Variants in OTUD7A observed in about 807,000 individuals in gnomAD.
OTUD7A encodes the protein OTU deubiquitinase 7A.
A neutral mutation model predicts 65.7 loss-of-function variants in OTUD7A; 12 were observed. The ratio of observed to expected loss-of-function variants is 0.18; its 90% CI spans 0.12 to 0.30. The LOEUF is 0.30. Ranked by LOEUF, OTUD7A falls within the 10% of genes least tolerant of loss-of-function variation. OTUD7A has a pLI of 1.00. For synonymous variants in OTUD7A, 641 were observed against 586.3 expected (o/e 1.09, Z -1.35); for missense variants, 1,148 against 1,304.8 (o/e 0.88, Z 1.85).
rs538800990 is a variant in OTUD7A at position 31,534,446 on chromosome 15, T to C, written c.551-3638A>G. 4.6e-5 allele frequency among the ~76,000 whole-genome samples: 7 copies of C among 152,280 alleles called. No homozygotes were observed. The South Asian group carries it at 1.4e-3, about 32-fold the overall frequency. On this transcript the variant is annotated intron_variant, in intron 5 of 12. Coordinates refer to ENST00000307050, the MANE Select transcript of OTUD7A (RefSeq NM_001382637.1). The stretch of plus-strand genomic sequence containing the variant: ...CTACACAAACATACAGCTAACATCA[T>C]ACCTAATGGTGAAAGACTGAATGCT...
At chr15:31,578,515 C>T (rs971905610) in intron 3 of OTUD7A, among the ~76,000 whole-genome samples, 10 of 152,018 alleles carry the variant, frequency 6.6e-5, no homozygotes, top group African/African-American at 2.2e-4. Context: ...CTGGAAGCCC[C>T]CACTTTGCAC....
intron 1 of OTUD7A, among the ~76,000 whole-genome samples, chr15:31,738,160 A>G (rs971234267): frequency 6.6e-6 from 1 of 152,134 alleles, no homozygotes; most frequent in Non-Finnish European, 1.5e-5. Flanking sequence ...GGAGGGAATA[A>G]TTAGTTAAAT....
rs2654031 is a variant in OTUD7A, at chr15:31,722,042, G to A, written c.-99-64965C>T. On this transcript the variant is annotated intron_variant, in intron 1 of 12. Transcript: ENST00000307050. ...GCTTGTGTGAACTTAGACTAAGGGA[G>A]GATCTGCCAGGACTGTGCCATGAAG... Among the ~76,000 whole-genome samples the A allele has an allele frequency of 5.3e-5, 8 of 152,358 alleles. No homozygotes were observed. The East Asian group carries it at 1.2e-3, about 22-fold the overall frequency.
At chr15:31,778,158 A>G (rs1431127467) in intron 1 of OTUD7A, among the ~76,000 whole-genome samples, 1 of 152,172 alleles carries the variant, frequency 6.6e-6, no homozygotes, top group Non-Finnish European at 1.5e-5. Context: ...AAGAATACGC[A>G]TAGAGAGAGG....
chr15:31,550,805 T>C (rs1888297177), intron 5 of OTUD7A, among the ~76,000 whole-genome samples: 1 of 152,218 alleles, frequency 6.6e-6, no homozygotes, highest in South Asian at 2.1e-4. Flanking sequence ...ATTCTGTCCA[T>C]TCATTTCACA....
rs368607348 is a variant in OTUD7A at position 31,627,698 on chromosome 15, C to G, written c.151+27398G>C. Among the ~76,000 whole-genome samples the G allele has an allele frequency of 9.9e-3, 1,511 of 152,286 alleles. 17 individuals carry two copies. The highest frequency in any genetic ancestry group is 0.015 in the Non-Finnish European group (995 of 68,022). On this transcript the variant is annotated intron_variant, in intron 3 of 12. Coordinates refer to ENST00000307050, the MANE Select transcript of OTUD7A (RefSeq NM_001382637.1). ...TCCACAATGGTTGAACTAGTTTACA[C>G]TCCCACCAACAGTGTAAAAGTGTTC...
chr15:31,860,717 A>T lies in OTUD7A; in HGVS notation c.-100+9790T>A, dbSNP rs556113212. On this transcript the variant is annotated intron_variant, in intron 1 of 12. Transcript: ENST00000307050. ...TATATATATGTATGTATATATATATATTTTTTGGGACGGAGTTTCGCTCTG... is the reference window on the plus strand; with the variant it reads ...TATATATATGTATGTATATATATATTTTTTTTGGGACGGAGTTTCGCTCTG... 2.8e-4 allele frequency among the ~76,000 whole-genome samples: 36 copies of T among 128,606 alleles called. No homozygotes were observed. In the Middle Eastern group the frequency reaches 0.011, roughly 41 times the overall value. The allele number at this position is 128,606 out of a possible 152,430, so 84.4% of individuals were successfully genotyped here.
chr15:31,502,602 C>T (rs2041486039), intron 9 of OTUD7A, among the ~76,000 whole-genome samples: 1 of 152,148 alleles, frequency 6.6e-6, no homozygotes. Flanking sequence ...TCACTGTGCT[C>T]ACAGGAGAGT....
intron 3 of OTUD7A, among the ~76,000 whole-genome samples, chr15:31,576,219 G>T (rs1889199163): frequency 6.6e-6 from 1 of 152,132 alleles, no homozygotes; most frequent in African/African-American, 2.4e-5. Flanking sequence ...CAGTTCTGTG[G>T]CATTTTACCC....
intron 1 of OTUD7A, among the ~76,000 whole-genome samples, chr15:31,727,009 C>T (rs1291044044): frequency 1.3e-5 from 2 of 152,250 alleles, no homozygotes; most frequent in Non-Finnish European, 2.9e-5. Context: ...AGAGGTGAGG[C>T]TGACTGAGAG....
At chr15:31,516,922 G>T (rs28584834) in intron 8 of OTUD7A, among the ~76,000 whole-genome samples, 2,491 of 152,288 alleles carry the variant, frequency 0.016, 42 homozygotes, top group Non-Finnish European at 0.026. Context: ...TGTGGCGGTG[G>T]ATTGAATTTG....
intron 3 of OTUD7A, among the ~76,000 whole-genome samples, chr15:31,601,122 T>TA (rs1325850381): frequency 6.6e-6 from 1 of 152,094 alleles, no homozygotes; most frequent in Non-Finnish European, 1.5e-5. Context: ...AATAGACACA[T>TA]ACAGAACTCT....
chr15:31,797,908 G>A (rs775500036), intron 1 of OTUD7A, among the ~76,000 whole-genome samples: 28 of 152,254 alleles, frequency 1.8e-4, no homozygotes, highest in South Asian at 1.0e-3. Flanking sequence ...CATTCACTTT[G>A]CACCGTTCTG....
chr15:31,505,067 G>A (rs899673642), intron 8 of OTUD7A, among the ~76,000 whole-genome samples: 1 of 152,050 alleles, frequency 6.6e-6, no homozygotes, highest in East Asian at 1.9e-4. Context: ...TGTAGAAAGG[G>A]TATACTTGCT....
chr15:31,808,542 C>G (rs1896340035), intron 1 of OTUD7A, among the ~76,000 whole-genome samples: 1 of 152,210 alleles, frequency 6.6e-6, no homozygotes, highest in African/African-American at 2.4e-5. Context: ...CTCGGGGTCA[C>G]TCTCCACATT....
At chr15:31,836,843 A>G (rs999884740) in intron 1 of OTUD7A, among the ~76,000 whole-genome samples, 16 of 152,220 alleles carry the variant, frequency 1.1e-4, no homozygotes, top group Non-Finnish European at 1.9e-4. Flanking sequence ...ACTTTCTCAA[A>G]CTGATCAAGG....
intron 3 of OTUD7A, among the ~76,000 whole-genome samples, chr15:31,593,940 C>T (rs1490723782): frequency 6.6e-6 from 1 of 152,150 alleles, no homozygotes; most frequent in East Asian, 1.9e-4. Flanking sequence ...AGTTAACTTG[C>T]AAGTCAATCT....
intron 1 of OTUD7A, among the ~76,000 whole-genome samples, chr15:31,784,651 G>A (rs1040962133): frequency 8.5e-5 from 13 of 152,096 alleles, no homozygotes; most frequent in African/African-American, 3.1e-4. Flanking sequence ...TTTTAAGAAT[G>A]TAAGGGAACC....
At chr15:31,670,814 A>AC (rs1465040678) in intron 1 of OTUD7A, among the ~76,000 whole-genome samples, 2 of 151,560 alleles carry the variant, frequency 1.3e-5, no homozygotes, top group South Asian at 4.2e-4. Flanking sequence ...ACAAGGTGAA[A>AC]CCCCGTCTCT....
Sources: allele counts gnomAD v4.1 joint callset (sites outside exome capture counted in the v4.1 genomes callset), GRCh38; gene constraint gnomAD v4.1.1; transcripts MANE v1.5; gene names NCBI Gene and HGNC (gene_info 2026-07-23, HGNC 2026-07-21).